The following TENM3 variants were observed in gnomAD, a reference collection of about 807,000 sequenced individuals.
The protein encoded by TENM3 is teneurin-3.
A neutral mutation model predicts 255.1 loss-of-function variants in TENM3; 63 were observed. The observed-to-expected ratio is 0.25, with a 90% CI of 0.20 to 0.30. The LOEUF is 0.30. Ranked by LOEUF, TENM3 falls within the 10% of genes least tolerant of loss-of-function variation. The pLI is 1.00. For missense variants in TENM3, 2,929 were observed against 3,461.1 expected, an observed-to-expected ratio of 0.85 and a Z score of 3.86; for synonymous variants, 1,306 against 1,322.3, an observed-to-expected ratio of 0.99 and a Z score of 0.27.
the TENM3 span, among the ~76,000 whole-genome samples, chr4:181,595,895 C>G: frequency 6.6e-6 from 1 of 152,206 alleles, no homozygotes; most frequent in African/African-American, 2.4e-5. Context: ...TAACACTTCA[C>G]AGAGAGCTAT....
chr4:181,554,764 G>C, the TENM3 span, among the ~76,000 whole-genome samples: 2 of 152,202 alleles, frequency 1.3e-5, no homozygotes, highest in Admixed American at 6.5e-5. Context: ...TTGACAACCT[G>C]TTAAATAGTC....
chr4:182,000,178 T>TCAGAC, the TENM3 span, among the ~76,000 whole-genome samples: 1 of 152,160 alleles, frequency 6.6e-6, no homozygotes, highest in Admixed American at 6.6e-5. Context: ...CTGCTTTTAC[T>TCAGAC]CAGACTGTGT....
chr4:182,784,594 C>T (rs1329023502), intron 24 of TENM3, among the ~76,000 whole-genome samples: 78 of 151,754 alleles, frequency 5.1e-4, no homozygotes, highest in South Asian at 1.7e-3. Flanking sequence ...AGTTCGAGCT[C>T]CCCGGCTGCT....
At chr4:181,879,961 A>G in the TENM3 span, among the ~76,000 whole-genome samples, 1 of 152,306 alleles carries the variant, frequency 6.6e-6, no homozygotes, top group East Asian at 1.9e-4. Flanking sequence ...TGTCTAAGTT[A>G]ATTTTCCAAA....
the TENM3 span, among the ~76,000 whole-genome samples, chr4:181,481,974 G>T: frequency 1.3e-5 from 2 of 152,168 alleles, no homozygotes; most frequent in African/African-American, 2.4e-5. Context: ...AATTAGCAAA[G>T]CAGTCATCAG....
At chr4:181,470,626 T>C in the TENM3 span, among the ~76,000 whole-genome samples, 1 of 152,204 alleles carries the variant, frequency 6.6e-6, no homozygotes, top group African/African-American at 2.4e-5. Flanking sequence ...TTAAATTTAT[T>C]TCCTCTGTTA....
rs1481416363 is a variant in TENM3 at position 182,800,290 on chromosome 4, A to T, written c.8039A>T (p.Glu2680Val). The change falls in exon 28 of 28, where the codon GAG becomes GTG. Residue 2680 changes from glutamate (E) to valine (V), a missense_variant. Coordinates refer to ENST00000511685, the MANE Select transcript of TENM3 (RefSeq NM_001080477.4). ...YYVLSVEQYP[E>V]LADSANNIQF... is the part of the protein sequence containing the mutation. ...GTACTCTCGGTGGAGCAGTACCCCGAGCTGGCCGACAGCGCCAACAACATC... is the reference window on the plus strand; with the variant it reads ...GTACTCTCGGTGGAGCAGTACCCCGTGCTGGCCGACAGCGCCAACAACATC... 1 of 1,560,426 alleles carries T rather than the reference A, an allele frequency of 6.4e-7. No individual in the cohort carries two copies. The highest frequency in any genetic ancestry group is 2.3e-5 in the East Asian group (1 of 42,908).
At chr4:181,542,288 G>A in the TENM3 span, among the ~76,000 whole-genome samples, 1 of 152,140 alleles carries the variant, frequency 6.6e-6, no homozygotes, top group Non-Finnish European at 1.5e-5. Context: ...GGAGAGCAGC[G>A]AGCCAGACAG....
At chr4:181,886,350 C>A in the TENM3 span, among the ~76,000 whole-genome samples, 2 of 152,272 alleles carry the variant, frequency 1.3e-5, no homozygotes, top group East Asian at 3.9e-4. Context: ...AGCCACCATG[C>A]CCGGCCTCTA....
At chr4:182,270,898 G>A (rs970077013) in intron 1 of TENM3, among the ~76,000 whole-genome samples, 3 of 151,970 alleles carry the variant, frequency 2.0e-5, no homozygotes, top group South Asian at 2.1e-4. Context: ...CCTGAAAATC[G>A]CATTATCCCT....
intron 3 of TENM3, among the ~76,000 whole-genome samples, chr4:182,347,381 T>C (rs185037606): frequency 1.3e-5 from 2 of 152,306 alleles, no homozygotes; most frequent in African/African-American, 4.8e-5. Flanking sequence ...AATCTTAGAA[T>C]GGATGAGTGA....
At chr4:182,536,965 A>G (rs547522149) in intron 3 of TENM3, among the ~76,000 whole-genome samples, 2 of 152,312 alleles carry the variant, frequency 1.3e-5, no homozygotes, top group South Asian at 4.1e-4. Flanking sequence ...ATTATTCACT[A>G]AAAGCCTGAC....
upstream of TENM3, among the ~76,000 whole-genome samples, chr4:182,240,844 A>C (rs1757207626): frequency 6.6e-6 from 1 of 152,296 alleles, no homozygotes; most frequent in African/African-American, 2.4e-5. Context: ...TCATAGGATT[A>C]CTGTATTACA....
chr4:182,621,526 G>A (rs993711419), intron 4 of TENM3, among the ~76,000 whole-genome samples: 7 of 144,214 alleles, frequency 4.9e-5, no homozygotes, highest in Admixed American at 2.2e-4. Context: ...ACTTTGGGAG[G>A]CCAAGGCAGG....
the TENM3 span, among the ~76,000 whole-genome samples, chr4:181,523,346 G>A: frequency 0.11 from 16,716 of 151,846 alleles, 1,074 homozygotes; most frequent in South Asian, 0.26. Flanking sequence ...GTGATTGAAA[G>A]CTGCCTTTCT....
chr4:182,262,720 CT>C (rs535703415), intron 1 of TENM3, among the ~76,000 whole-genome samples: 26,757 of 133,244 alleles, frequency 0.2, 2,775 homozygotes, highest in Middle Eastern at 0.27. Context: ...CCTTTACTTT[CT>C]TTTTTTTTTT....
the TENM3 span, among the ~76,000 whole-genome samples, chr4:181,961,834 T>C: frequency 6.6e-6 from 1 of 152,210 alleles, no homozygotes; most frequent in Non-Finnish European, 1.5e-5. Flanking sequence ...AGTAAAGATA[T>C]TGTTTGTTCC....
chr4:181,542,910 G>A, the TENM3 span, among the ~76,000 whole-genome samples: 1 of 152,122 alleles, frequency 6.6e-6, no homozygotes, highest in Non-Finnish European at 1.5e-5. Context: ...GCCCATCAAG[G>A]GTTCCCCCAT....
chr4:182,703,631 A>G (rs191006619), intron 12 of TENM3, among the ~76,000 whole-genome samples: 50 of 152,336 alleles, frequency 3.3e-4, no homozygotes, highest in African/African-American at 9.6e-4. Context: ...TTCTATATCA[A>G]TCACCTTTGA....
Sources: allele counts gnomAD v4.1 joint callset (sites outside exome capture counted in the v4.1 genomes callset), GRCh38; gene constraint gnomAD v4.1.1; transcripts MANE v1.5; gene names NCBI Gene and HGNC (gene_info 2026-07-23, HGNC 2026-07-21).